RAD51B: variants seen among roughly 807,000 people sequenced by gnomAD.
RAD51B encodes DNA repair protein RAD51 homolog 2.
RAD51B carries 38 observed loss-of-function variants against 42.2 expected under a neutral mutation model. That is an observed-to-expected ratio of 0.90 (90% confidence interval 0.70 to 1.18). RAD51B has a LOEUF of 1.18. Ranked by LOEUF, RAD51B falls within the 50% of genes most tolerant of loss-of-function variation. The probability of loss-of-function intolerance (pLI) is 0.00; values close to 1 mark genes in which losing one functional copy is unlikely to be tolerated. For synonymous variants in RAD51B, 154 were observed against 145.2 expected (o/e 1.06, Z -0.43); for missense variants, 373 against 400.7 (o/e 0.93, Z 0.59).
rs552533282 is a variant in RAD51B, at chr14:68,206,068, TG to T, written c.757-85814del. Among the ~76,000 whole-genome samples the T allele has an allele frequency of 8.5e-5, 13 of 152,364 alleles. No homozygotes were observed. In the East Asian group the frequency reaches 2.3e-3, roughly 27 times the overall value. Reference sequence around the variant, plus strand: ...CATGTTCCTTTAGTCTCCTTTAATCTGGAACATGTCTACAGCCTTTATCTTT... The same window carrying T: ...CATGTTCCTTTAGTCTCCTTTAATCTGAACATGTCTACAGCCTTTATCTTT... On this transcript the variant is annotated intron_variant, in intron 7 of 10. Transcript: ENST00000471583.
intron 4 of RAD51B, among the ~76,000 whole-genome samples, chr14:67,861,659 T>C (rs144039021): frequency 2.0e-5 from 3 of 152,178 alleles, no homozygotes; most frequent in African/African-American, 7.2e-5. Context: ...CCCTTTTTTG[T>C]ATGACAAGTG....
At chr14:68,632,566 G>A (rs1892253042) in intron 10 of RAD51B, among the ~76,000 whole-genome samples, 1 of 152,188 alleles carries the variant, frequency 6.6e-6, no homozygotes, top group South Asian at 2.1e-4. Flanking sequence ...GGGCCTGGTT[G>A]GCCCCGCCAG....
chr14:67,987,787 C>T (rs1296214669), intron 7 of RAD51B, among the ~76,000 whole-genome samples: 2 of 152,174 alleles, frequency 1.3e-5, no homozygotes, highest in Non-Finnish European at 2.9e-5. Flanking sequence ...TTAGGAGTAA[C>T]GGCTGACATT....
At chr14:68,442,781 C>T (rs1006059124) in intron 9 of RAD51B, among the ~76,000 whole-genome samples, 20 of 145,326 alleles carry the variant, frequency 1.4e-4, no homozygotes, top group African/African-American at 4.4e-4. Flanking sequence ...TTATGCTAAC[C>T]TGTGATATTA....
chr14:68,286,666 CA>C (rs1302987234), intron 7 of RAD51B, among the ~76,000 whole-genome samples: 1 of 152,214 alleles, frequency 6.6e-6, no homozygotes. Flanking sequence ...CCTTCCACCC[CA>C]CCAAAGATAT....
intron 8 of RAD51B, among the ~76,000 whole-genome samples, chr14:68,373,982 A>C (rs1297742947): frequency 1.3e-5 from 2 of 152,194 alleles, no homozygotes; most frequent in South Asian, 2.1e-4. Context: ...GAAGAAAAGA[A>C]CCGACATTTA....
intron 3 of RAD51B, among the ~76,000 whole-genome samples, chr14:67,826,969 G>A (rs1407436082): frequency 2.0e-5 from 3 of 152,166 alleles, no homozygotes; most frequent in Non-Finnish European, 4.4e-5. Context: ...ATCAGCCACT[G>A]TGCCTGGCCA....
chr14:67,970,998 T>G (rs2074886777), intron 7 of RAD51B, among the ~76,000 whole-genome samples: 1 of 152,134 alleles, frequency 6.6e-6, no homozygotes, highest in Non-Finnish European at 1.5e-5. Context: ...ATCTGTGGAC[T>G]ATTCTGTTAT....
intron 10 of RAD51B, among the ~76,000 whole-genome samples, chr14:68,523,930 T>C (rs1886757142): frequency 6.6e-6 from 1 of 152,210 alleles, no homozygotes; most frequent in Admixed American, 6.5e-5. Context: ...GTGCTCAAAA[T>C]GGAGTGAATA....
chr14:67,971,905 T>C lies in RAD51B; in HGVS notation c.756+84701T>C, dbSNP rs183307822. Among the ~76,000 whole-genome samples, 35 of 151,918 alleles carry C rather than the reference T, an allele frequency of 2.3e-4. 1 individual carries two copies. The highest frequency in any genetic ancestry group is 2.1e-3 in the Admixed American group (32 of 15,224). Reference sequence around the variant, plus strand: ...TCAGTGGAGGCAAACCTTTAAAGTATAGAGATGGCTTTCACTGTGAATGAA... The same window carrying C: ...TCAGTGGAGGCAAACCTTTAAAGTACAGAGATGGCTTTCACTGTGAATGAA... On this transcript the variant is annotated intron_variant, in intron 7 of 10. Coordinates refer to ENST00000471583, the MANE Select transcript of RAD51B (RefSeq NM_133510.4).
At chr14:68,563,866 G>A (rs1279730389) in intron 10 of RAD51B, 1 of 985,344 alleles carries the variant, frequency 1.0e-6, no homozygotes, top group East Asian at 1.1e-4. Context: ...CCGATCCCTG[G>A]CAAGCCTGTG....
chr14:67,887,216 T>G lies in RAD51B; in HGVS notation c.756+12T>G. 1 of 1,571,594 alleles carries G rather than the reference T, an allele frequency of 6.4e-7. No individual in the cohort carries two copies. Among genetic ancestry groups the G allele is most frequent in the Non-Finnish European group, 8.7e-7 (1 of 1,148,458 alleles). The stretch of plus-strand genomic sequence containing the variant: ...AGTTTTCAATCCCAGTAAGTTTTTC[T>G]TTTTTTCTCTTTTTTCTTTTCCTTT... On this transcript the variant is annotated intron_variant, in intron 7 of 10. Transcript: ENST00000471583.
At chr14:68,563,311 T>G in intron 10 of RAD51B, 1 of 985,408 alleles carries the variant, frequency 1.0e-6, no homozygotes, top group Non-Finnish European at 1.2e-6. Context: ...TGTTCTCTCC[T>G]CGGGGCGTGC....
At chr14:67,874,054 A>C (rs151088793) in intron 5 of RAD51B, among the ~76,000 whole-genome samples, 4,740 of 152,068 alleles carry the variant, frequency 0.031, 145 homozygotes, top group African/African-American at 0.082. Flanking sequence ...TAACCTGCAC[A>C]TTGTGCACAT....
At chr14:68,083,292 C>T (rs2076939821) in intron 7 of RAD51B, among the ~76,000 whole-genome samples, 1 of 152,166 alleles carries the variant, frequency 6.6e-6, no homozygotes, top group African/African-American at 2.4e-5. Flanking sequence ...CCGTTTAGGA[C>T]ACAGCTGGTA....
intron 7 of RAD51B, among the ~76,000 whole-genome samples, chr14:68,231,647 A>G (rs1320372594): frequency 1.3e-5 from 2 of 152,216 alleles, no homozygotes; most frequent in Non-Finnish European, 2.9e-5. Flanking sequence ...AAGAATTCTC[A>G]CAGTGAAGGT....
intron 10 of RAD51B, among the ~76,000 whole-genome samples, chr14:68,633,830 G>C (rs1389778416): frequency 1.3e-5 from 2 of 152,184 alleles, no homozygotes; most frequent in Admixed American, 1.3e-4. Flanking sequence ...CCTCTTTTTG[G>C]CCAGGGCTGT....
intron 7 of RAD51B, among the ~76,000 whole-genome samples, chr14:68,026,892 C>A (rs1172920036): frequency 6.6e-6 from 1 of 151,982 alleles, no homozygotes; most frequent in East Asian, 1.9e-4. Context: ...ATATTGTTGC[C>A]TGGTTTTCAT....
At chr14:68,283,790 G>A (rs1353535917) in intron 7 of RAD51B, among the ~76,000 whole-genome samples, 2 of 152,200 alleles carry the variant, frequency 1.3e-5, no homozygotes, top group African/African-American at 2.4e-5. Context: ...GGTAGCTGCC[G>A]GCCCACAGTT....
Sources: allele counts gnomAD v4.1 joint callset (sites outside exome capture counted in the v4.1 genomes callset), GRCh38; gene constraint gnomAD v4.1.1; transcripts MANE v1.5; gene names NCBI Gene and HGNC (gene_info 2026-07-23, HGNC 2026-07-21).